Variants in EXOC4 observed in about 807,000 individuals in gnomAD.
The protein encoded by EXOC4 is SEC8-like 1.
Under a neutral mutation model 107.2 loss-of-function variants are expected in EXOC4, and 71 were observed. The ratio of observed to expected loss-of-function variants is 0.66; its 90% CI spans 0.55 to 0.81. The LOEUF (loss-of-function observed/expected upper bound fraction) is 0.81. Ranked by LOEUF, EXOC4 falls within the 30% of genes least tolerant of loss-of-function variation. The pLI is 0.00. For synonymous variants in EXOC4, 456 were observed against 441.2 expected, an observed-to-expected ratio of 1.03 and a Z score of -0.42; for missense variants, 1,108 against 1,189.6, an observed-to-expected ratio of 0.93 and a Z score of 1.01.
In EXOC4 at chr7:133,325,372, T is replaced by C. The variant is rs562959156; in HGVS notation, c.763+7982T>C. Among the ~76,000 whole-genome samples the C allele has an allele frequency of 1.2e-4, 18 of 152,340 alleles. 2 individuals are homozygous for C. The South Asian group carries it at 3.7e-3, about 32-fold the overall frequency. On this transcript the variant is annotated intron_variant, in intron 5 of 17. Coordinates refer to ENST00000253861, the MANE Select transcript of EXOC4 (RefSeq NM_021807.4). Reference sequence around the variant, plus strand: ...ACTGGTTGTTCCTTTCCATGTTTAGTGCTTCCTTCAGGAGCTCTTGTAAGG... The same window carrying C: ...ACTGGTTGTTCCTTTCCATGTTTAGCGCTTCCTTCAGGAGCTCTTGTAAGG...
At chr7:133,320,937 T>G (rs1210467818) in intron 5 of EXOC4, among the ~76,000 whole-genome samples, 1 of 152,196 alleles carries the variant, frequency 6.6e-6, no homozygotes, top group Non-Finnish European at 1.5e-5. Context: ...AATAATAAAC[T>G]GGAAGTCCTA....
chr7:133,484,060 C>G (rs371873610), intron 9 of EXOC4: 28 of 1,613,750 alleles, frequency 1.7e-5, no homozygotes, highest in Non-Finnish European at 2.3e-5. Context: ...AAGAAATCCA[C>G]CAGAAAGACA....
chr7:133,806,430 A>G (rs1417037227), intron 10 of EXOC4, among the ~76,000 whole-genome samples: 6 of 152,244 alleles, frequency 3.9e-5, no homozygotes, highest in African/African-American at 1.4e-4. Context: ...GTGATTGGAA[A>G]TGCAGGTCAG....
At chr7:133,807,099 C>T (rs1466734069) in intron 10 of EXOC4, among the ~76,000 whole-genome samples, 4 of 152,130 alleles carry the variant, frequency 2.6e-5, no homozygotes, top group African/African-American at 7.2e-5. Context: ...TTTTCATATA[C>T]GCAGGTTCTG....
intron 10 of EXOC4, among the ~76,000 whole-genome samples, chr7:133,686,299 G>A (rs550662374): frequency 3.3e-4 from 50 of 152,178 alleles, no homozygotes; most frequent in African/African-American, 1.0e-3. Flanking sequence ...AAAATGGATC[G>A]AAACATATTT....
intron 14 of EXOC4, among the ~76,000 whole-genome samples, chr7:133,996,543 G>A (rs1486702958): frequency 2.0e-5 from 3 of 152,060 alleles, no homozygotes; most frequent in African/African-American, 7.2e-5. Context: ...AATCGTTTTG[G>A]AAATATATAG....
chr7:133,684,037 T>C (rs1794242321), intron 10 of EXOC4, among the ~76,000 whole-genome samples: 2 of 152,200 alleles, frequency 1.3e-5, no homozygotes, highest in African/African-American at 4.8e-5. Flanking sequence ...CGGGATCACA[T>C]TTGCTGTTTT....
At chr7:133,882,930 A>T (rs781271574) in intron 11 of EXOC4, among the ~76,000 whole-genome samples, 29 of 152,182 alleles carry the variant, frequency 1.9e-4, no homozygotes, top group Admixed American at 4.6e-4. Context: ...TTTGATGTTA[A>T]CCTTACAAAT....
intron 11 of EXOC4, among the ~76,000 whole-genome samples, chr7:133,819,996 T>C (rs542666253): frequency 1.3e-5 from 2 of 152,254 alleles, no homozygotes; most frequent in Admixed American, 1.3e-4. Context: ...CTCTTGTCCT[T>C]TAAGTCACCG....
chr7:134,026,155 A>T (rs993326782), intron 17 of EXOC4, among the ~76,000 whole-genome samples: 2 of 152,022 alleles, frequency 1.3e-5, no homozygotes, highest in Non-Finnish European at 2.9e-5. Flanking sequence ...GCTTGCTTTA[A>T]CCAAGGATTC....
chr7:133,362,552 A>G (rs932830097), intron 6 of EXOC4, among the ~76,000 whole-genome samples: 4 of 152,186 alleles, frequency 2.6e-5, no homozygotes, highest in African/African-American at 9.6e-5. Context: ...ACGTTGAATT[A>G]TTGCTCTAAA....
intron 10 of EXOC4, among the ~76,000 whole-genome samples, chr7:133,781,746 T>A (rs1268267473): frequency 2.6e-5 from 4 of 152,196 alleles, no homozygotes; most frequent in Non-Finnish European, 5.9e-5. Context: ...CAGTGACTCA[T>A]CATGATCACT....
intron 14 of EXOC4, among the ~76,000 whole-genome samples, chr7:133,971,426 A>G (rs1244872314): frequency 6.8e-6 from 1 of 146,064 alleles, no homozygotes; most frequent in Non-Finnish European, 1.5e-5. Flanking sequence ...TATGTATTCT[A>G]TGTAAGAATA....
intron 9 of EXOC4, among the ~76,000 whole-genome samples, chr7:133,548,119 C>T (rs1800518110): frequency 6.6e-6 from 1 of 152,012 alleles, no homozygotes; most frequent in Non-Finnish European, 1.5e-5. Flanking sequence ...AAAACAATCT[C>T]GTTTTTATGT....
At chr7:133,693,334 A>C (rs1320797256) in intron 10 of EXOC4, among the ~76,000 whole-genome samples, 1 of 152,198 alleles carries the variant, frequency 6.6e-6, no homozygotes, top group Non-Finnish European at 1.5e-5. Context: ...TGTAGGCCGG[A>C]AGACTCAGCA....
At chr7:133,751,812 C>G (rs1228001604) in intron 10 of EXOC4, among the ~76,000 whole-genome samples, 2 of 151,802 alleles carry the variant, frequency 1.3e-5, no homozygotes, top group African/African-American at 2.4e-5. Context: ...GGAACGGCTA[C>G]TCTATTATAT....
In EXOC4 at chr7:133,739,638, C is replaced by T. The variant is rs79716419; in HGVS notation, c.1515-77687C>T. ...CATTAAGGCTGCAGCTGCTGAGTGT[C>T]TAAAACAGACTGGCTACTGCTTTAC... On this transcript the variant is annotated intron_variant, in intron 10 of 17. Transcript: ENST00000253861. Among the ~76,000 whole-genome samples the T allele has an allele frequency of 2.3e-3, 355 of 152,338 alleles. 5 individuals are homozygous for T. The highest frequency in any genetic ancestry group is 8.0e-3 in the African/African-American group (332 of 41,576).
At chr7:133,273,072 T>C (rs1013608895) in intron 1 of EXOC4, among the ~76,000 whole-genome samples, 2 of 152,316 alleles carry the variant, frequency 1.3e-5, no homozygotes, top group Admixed American at 1.3e-4. Context: ...GGGGAAATAA[T>C]AGAGTTAAAC....
At chr7:133,744,255 A>C (rs957015916) in intron 10 of EXOC4, among the ~76,000 whole-genome samples, 5 of 152,088 alleles carry the variant, frequency 3.3e-5, no homozygotes, top group Non-Finnish European at 7.4e-5. Flanking sequence ...TATAGAAGAC[A>C]TCTTAGGTAC....
Sources: gnomAD v4.1 joint callset for allele counts (sites outside exome capture counted in the v4.1 genomes callset) on GRCh38, gnomAD v4.1.1 for gene constraint, MANE v1.5 for transcripts, NCBI Gene and HGNC (gene_info 2026-07-23, HGNC 2026-07-21) for gene names.